The following GALNTL6 variants were observed in gnomAD, a reference collection of about 807,000 sequenced individuals.
GALNTL6 encodes the protein polypeptide N-acetylgalactosaminyltransferase like 6, also known as polypeptide N-acetylgalactosaminyltransferase-like 6.
A neutral mutation model predicts 73.7 loss-of-function variants in GALNTL6; 46 were observed. The observed-to-expected ratio is 0.62, with a 90% confidence interval of 0.49 to 0.80. The LOEUF (loss-of-function observed/expected upper bound fraction) is 0.80, where lower values mean the gene tolerates loss of function less well. Among genes scored for constraint, GALNTL6 ranks in the 30% least tolerant of loss-of-function variants. The probability of loss-of-function intolerance (pLI) is 0.00; values close to 1 mark genes in which losing one functional copy is unlikely to be tolerated. For missense variants in GALNTL6, 604 were observed against 755.0 expected (o/e 0.80, Z 2.34); for synonymous variants, 259 against 263.7 (o/e 0.98, Z 0.17).
chr4:172,710,681 T>G (rs191278140), intron 5 of GALNTL6, among the ~76,000 whole-genome samples: 49 of 152,276 alleles, frequency 3.2e-4, no homozygotes, highest in African/African-American at 1.1e-3. Flanking sequence ...TCTAGGAAAA[T>G]AATATCTTCA....
At chr4:172,763,956 G>A (rs1738255977) in intron 5 of GALNTL6, among the ~76,000 whole-genome samples, 1 of 85,438 alleles carries the variant, frequency 1.2e-5, no homozygotes, top group Non-Finnish European at 2.2e-5. Context: ...CAAACAAGGT[G>A]TATTTTTTTT....
chr4:172,124,756 T>A (rs79646900), intron 2 of GALNTL6, among the ~76,000 whole-genome samples: 1,739 of 152,234 alleles, frequency 0.011, 27 homozygotes, highest in African/African-American at 0.04. Context: ...AGTACTTAAA[T>A]TTAATCAGAT....
At chr4:172,279,103 C>G (rs548591275) in intron 3 of GALNTL6, among the ~76,000 whole-genome samples, 145 of 152,156 alleles carry the variant, frequency 9.5e-4, no homozygotes, top group African/African-American at 3.3e-3. Flanking sequence ...AGACCTAAAG[C>G]TATAAAACTC....
chr4:172,481,416 G>A (rs1733466677), intron 5 of GALNTL6, among the ~76,000 whole-genome samples: 1 of 134,724 alleles, frequency 7.4e-6, no homozygotes, highest in South Asian at 2.4e-4. Flanking sequence ...GTGTGGAAGG[G>A]GACCAGGGTT....
intron 5 of GALNTL6, among the ~76,000 whole-genome samples, chr4:172,587,203 A>G (rs139115445): frequency 6.6e-6 from 1 of 152,320 alleles, no homozygotes. Flanking sequence ...TATGAAGGAA[A>G]CCATAGACTT....
At chr4:172,557,433 G>C (rs1231700263) in intron 5 of GALNTL6, among the ~76,000 whole-genome samples, 2 of 152,108 alleles carry the variant, frequency 1.3e-5, no homozygotes, top group Non-Finnish European at 2.9e-5. Flanking sequence ...TTCATCAGAA[G>C]TTACCATTAA....
chr4:172,960,834 G>A (rs182454027), intron 10 of GALNTL6, among the ~76,000 whole-genome samples: 9 of 152,248 alleles, frequency 5.9e-5, no homozygotes, highest in South Asian at 2.1e-4. Context: ...GAGGTTTTAC[G>A]TTCTTGAGAA....
intron 3 of GALNTL6, among the ~76,000 whole-genome samples, chr4:172,263,723 T>A (rs1265299287): frequency 6.6e-6 from 1 of 151,652 alleles, no homozygotes; most frequent in Admixed American, 6.6e-5. Context: ...ATAATGCTAA[T>A]AATTTTTTAT....
chr4:172,913,380 G>A (rs750208688), intron 8 of GALNTL6, among the ~76,000 whole-genome samples: 7 of 152,314 alleles, frequency 4.6e-5, no homozygotes, highest in South Asian at 2.1e-4. Flanking sequence ...AAAGCTGGAC[G>A]GAGAATGACT....
intron 5 of GALNTL6, among the ~76,000 whole-genome samples, chr4:172,687,027 TG>T (rs1258510457): frequency 6.6e-6 from 1 of 152,198 alleles, no homozygotes; most frequent in Admixed American, 6.5e-5. Flanking sequence ...CTGAGAAGTC[TG>T]ATGACCAAAC....
At chr4:172,817,098 TC>T (rs1210412659) in intron 7 of GALNTL6, among the ~76,000 whole-genome samples, 1 of 135,288 alleles carries the variant, frequency 7.4e-6, no homozygotes, top group Non-Finnish European at 1.6e-5. Context: ...ACAGCCAGAC[TC>T]CGTCTCCAAA....
chr4:172,725,704 G>T (rs529277238), intron 5 of GALNTL6, among the ~76,000 whole-genome samples: 1 of 152,298 alleles, frequency 6.6e-6, no homozygotes, highest in African/African-American at 2.4e-5. Context: ...CTGCTTTAAA[G>T]AGGTCTGGAT....
intron 5 of GALNTL6, among the ~76,000 whole-genome samples, chr4:172,568,602 A>G (rs1223761826): frequency 6.6e-6 from 1 of 151,006 alleles, no homozygotes; most frequent in African/African-American, 2.4e-5. Context: ...TAAAAATACA[A>G]AAAAAATTAG....
intron 5 of GALNTL6, among the ~76,000 whole-genome samples, chr4:172,541,294 G>T (rs1735542863): frequency 6.6e-6 from 1 of 152,102 alleles, no homozygotes; most frequent in South Asian, 2.1e-4. Flanking sequence ...TTAGTCTTAT[G>T]ATCTCTATTT....
intron 5 of GALNTL6, among the ~76,000 whole-genome samples, chr4:172,676,933 C>A (rs898710428): frequency 6.6e-6 from 1 of 152,146 alleles, no homozygotes; most frequent in Non-Finnish European, 1.5e-5. Flanking sequence ...ATACAATGTT[C>A]TTGCTTTTTA....
At chr4:172,152,321 T>C (rs1054797339) in intron 2 of GALNTL6, among the ~76,000 whole-genome samples, 1 of 152,188 alleles carries the variant, frequency 6.6e-6, no homozygotes, top group African/African-American at 2.4e-5. Flanking sequence ...ACTGAAGTGT[T>C]ATGTTTGTCA....
chr4:172,773,698 T>C (rs1738907769), intron 5 of GALNTL6, among the ~76,000 whole-genome samples: 1 of 152,182 alleles, frequency 6.6e-6, no homozygotes, highest in Non-Finnish European at 1.5e-5. Flanking sequence ...GTAGATGTTG[T>C]TATCTTTAAC....
intron 2 of GALNTL6, among the ~76,000 whole-genome samples, chr4:172,078,606 T>C (rs112317273): frequency 1.8e-3 from 267 of 152,242 alleles, no homozygotes; most frequent in African/African-American, 6.0e-3. Flanking sequence ...GAAAGGGAAG[T>C]TAAAATTAAG....
At chr4:172,514,651 C>T (rs1014731251) in intron 5 of GALNTL6, among the ~76,000 whole-genome samples, 1 of 152,174 alleles carries the variant, frequency 6.6e-6, no homozygotes, top group African/African-American at 2.4e-5. Context: ...CAAAGTTCAG[C>T]TGAAAGTTTC....
Sources: allele counts gnomAD v4.1 joint callset (sites outside exome capture counted in the v4.1 genomes callset), GRCh38; gene constraint gnomAD v4.1.1; transcripts MANE v1.5; gene names NCBI Gene and HGNC (gene_info 2026-07-23, HGNC 2026-07-21).